The following BTBD6 variants were observed in gnomAD, a reference collection of about 807,000 sequenced individuals.
BTBD6 encodes BTB domain containing 6.
A neutral mutation model predicts 40.6 loss-of-function variants in BTBD6; 30 were observed. That is an observed-to-expected ratio of 0.74 (90% confidence interval 0.55 to 1.00). The LOEUF (loss-of-function observed/expected upper bound fraction) is 1.00. Ranked by LOEUF, BTBD6 falls within the 50% of genes least tolerant of loss-of-function variation. The probability of loss-of-function intolerance (pLI) is 0.00; values close to 1 mark genes in which losing one functional copy is unlikely to be tolerated. For missense variants in BTBD6, 698 were observed against 694.6 expected (o/e 1.00, Z -0.06); for synonymous variants, 378 against 308.7 (o/e 1.22, Z -2.35).
At position 105,249,429 on chromosome 14, in the gene BTBD6, G is replaced by C; in HGVS notation, c.535G>C (p.Glu179Gln). ...FYGDLAEVKS[E>Q]IHIPDVEPAA... ...CGGAGACCTGGCGGAAGTCAAATCT[G>C]AAATTCACATTCCAGACGTGGAGCC... The change falls in exon 3 of 4, where the codon GAA becomes CAA. Residue 179 changes from glutamate to glutamine, a missense_variant. Coordinates refer to ENST00000392554, the MANE Select transcript of BTBD6 (RefSeq NM_001387567.1). The C allele has an allele frequency of 7.5e-6, 12 of 1,607,086 alleles. No homozygotes were observed. Among genetic ancestry groups the C allele is most frequent in the Non-Finnish European group, 1.0e-5 (12 of 1,176,044 alleles).
rs2055437419 is a variant in BTBD6 at position 105,249,429 on chromosome 14, G to A, written c.535G>A (p.Glu179Lys). 6.2e-7 allele frequency: 1 copy of A among 1,607,086 alleles called. No homozygotes were observed. The highest frequency in any genetic ancestry group is 2.2e-5 in the East Asian group (1 of 44,530). The part of the protein sequence containing the change: ...FYGDLAEVKS[E>K]IHIPDVEPAA... ...CGGAGACCTGGCGGAAGTCAAATCT[G>A]AAATTCACATTCCAGACGTGGAGCC... The change falls in exon 3 of 4, where the codon GAA becomes AAA. Residue 179 changes from glutamate to lysine, a missense_variant. By Grantham distance (56) the Glu-to-Lys change is moderately conservative. Coordinates refer to ENST00000392554, the MANE Select transcript of BTBD6 (RefSeq NM_001387567.1).
chr14:105,250,135 GACCC>G lies in BTBD6; in HGVS notation c.1083_1086del (p.His362AlafsTer18). On this transcript the variant is annotated frameshift_variant, in exon 4 of 4. Transcript: ENST00000392554. LOFTEE classifies it high-confidence loss of function. The stretch of plus-strand genomic sequence containing the variant: ...AGTCAGACATCCTGACTCTGGAGGA[GACCC>G]ACAGCATCTTCCTGTGGTACACGGC... The G allele has an allele frequency of 6.2e-7, 1 of 1,613,002 alleles. No homozygotes were observed. The highest frequency in any genetic ancestry group is 8.5e-7 in the Non-Finnish European group (1 of 1,180,044).
In BTBD6 at chr14:105,250,372, C is replaced by T. The variant is rs754866060; in HGVS notation, c.1317C>T (p.Ser439=). 1.5e-5 allele frequency: 24 copies of T among 1,613,556 alleles called. No homozygotes were observed. Among genetic ancestry groups the T allele is most frequent in the Admixed American group, 8.3e-5 (5 of 59,994 alleles). ...YGSSSGKAEY[S]VKIELKRLGV... ...CCAGCTCTGGGAAGGCTGAGTACAG[C>T]GTGAAGATTGAGCTCAAGCGGCTCG... Residue 439 remains serine (S), a synonymous_variant, in exon 4 of 4, where the codon AGC becomes AGT. Coordinates refer to ENST00000392554, the MANE Select transcript of BTBD6 (RefSeq NM_001387567.1).
chr14:105,251,093 A>G lies in BTBD6; in HGVS notation c.*421A>G. The G allele has an allele frequency of 4.9e-6, 1 of 202,916 alleles. No individual in the cohort carries two copies. Among genetic ancestry groups the G allele is most frequent in the South Asian group, 1.1e-4 (1 of 8,878 alleles). The allele number at this position is 202,916 out of a possible 1,614,324, so 12.6% of individuals were successfully genotyped here. A position where few individuals can be genotyped will look rare whatever the true frequency, so the allele number is the denominator to read the frequency against. ...TGTAATAAAGGTTGCCTAAAATAACACCCACGTGTCAGTAAATGACTACAG... is the reference window on the plus strand; with the variant it reads ...TGTAATAAAGGTTGCCTAAAATAACGCCCACGTGTCAGTAAATGACTACAG... On this transcript the variant is annotated 3_prime_UTR_variant, in exon 4 of 4. Coordinates refer to ENST00000392554, the MANE Select transcript of BTBD6 (RefSeq NM_001387567.1).
In BTBD6 at chr14:105,249,872, C is replaced by A. The variant is rs375940510; in HGVS notation, c.817C>A (p.Arg273=). 2.4e-5 allele frequency: 38 copies of A among 1,612,030 alleles called. No homozygotes were observed. Among genetic ancestry groups the A allele is most frequent in the Non-Finnish European group, 3.1e-5 (36 of 1,180,010 alleles). ...VIDAQAEMAL[R]SEGFCEIDRQ... is the part of the protein sequence containing the mutation. Reference sequence around the variant, plus strand: ...TGACGCACAGGCCGAGATGGCCCTACGGTCCGAAGGCTTCTGTGAGATAGA... The same window carrying A: ...TGACGCACAGGCCGAGATGGCCCTAAGGTCCGAAGGCTTCTGTGAGATAGA... The change falls in exon 4 of 4, where the codon CGG becomes AGG. Residue 273 remains arginine (R), a synonymous_variant. Coordinates refer to ENST00000392554, the MANE Select transcript of BTBD6 (RefSeq NM_001387567.1).
rs2055436469 is a variant in BTBD6, at chr14:105,249,416, G to A, written c.522G>A (p.Ala174=). ...VFYAMFYGDL[A]EVKSEIHIPD... ...ATGCCATGTTCTACGGAGACCTGGC[G>A]GAAGTCAAATCTGAAATTCACATTC... Residue 174 remains alanine, a synonymous_variant, in exon 3 of 4, where the codon GCG becomes GCA. Transcript: ENST00000392554. The A allele has an allele frequency of 3.7e-6, 6 of 1,613,582 alleles. No homozygotes were observed. The highest frequency in any genetic ancestry group is 4.2e-6 in the Non-Finnish European group (5 of 1,180,004).
rs1270331726 is a variant in BTBD6, at chr14:105,248,961, C to A, written c.250C>A (p.Pro84Thr). 5.1e-6 allele frequency: 5 copies of A among 980,370 alleles called. No individual in the cohort carries two copies. Among genetic ancestry groups the A allele is most frequent in the Non-Finnish European group, 6.0e-6 (5 of 827,684 alleles). 60.7% of individuals were successfully genotyped at this position (980,370 alleles called of 1,614,324 possible). The change falls in exon 1 of 4, where the codon CCG becomes ACG. Residue 84 changes from proline to threonine, a missense_variant. Coordinates refer to ENST00000392554, the MANE Select transcript of BTBD6 (RefSeq NM_001387567.1). ...AGAAVGRKAG[P>T]RSPPSAPAPA... ...CGCCGCCGTGGGCAGGAAGGCCGGG[C>A]CGCGCAGCCCGCCCAGCGCCCCCGC...
Position 105,248,898 on chromosome 14 carries a change from A to G in BTBD6, c.187A>G (p.Ser63Gly), listed in dbSNP as rs953623186. The G allele has an allele frequency of 6.1e-4, 596 of 984,800 alleles. 10 individuals carry two copies. In the African/African-American group the frequency reaches 0.01, roughly 17 times the overall value. The allele number at this position is 984,800 out of a possible 1,614,324, so 61.0% of individuals were successfully genotyped here. A position where few individuals can be genotyped will look rare whatever the true frequency, so the allele number is the denominator to read the frequency against. ...KMAAELYAPASAAAADLANSN... is the reference protein window; with the variant it reads ...KMAAELYAPAGAAAADLANSN... ...GGCGGCGGAACTCTACGCTCCCGCC[A>G]GCGCCGCGGCCGCGGACCTAGCCAA... is the stretch of plus-strand genomic sequence containing the variant. The change falls in exon 1 of 4, where the codon AGC (serine) becomes GGC (glycine). Residue 63 changes from serine to glycine, a missense_variant. Transcript: ENST00000392554.
In BTBD6 at chr14:105,250,858, C is replaced by G. The variant is rs990503340; in HGVS notation, c.*186C>G. 4.5e-6 allele frequency: 3 copies of G among 666,576 alleles called. No homozygotes were observed. In the African/African-American group the frequency reaches 5.5e-5, roughly 12 times the overall value. 41.3% of individuals were successfully genotyped at this position (666,576 alleles called of 1,614,324 possible). A position where few individuals can be genotyped will look rare whatever the true frequency, so the allele number is the denominator to read the frequency against. On this transcript the variant is annotated 3_prime_UTR_variant, in exon 4 of 4. Transcript: ENST00000392554. The stretch of plus-strand genomic sequence containing the variant: ...ACCCAGGGATTGGAGTCTTAGGCAT[C>G]TCTGGTACAGTGGGGTGCACGTCTC...
Position 105,249,006 on chromosome 14 carries a change from G to GCGCCCGCGCCGCCCA in BTBD6, c.297_311dup (p.Pro100_Thr104dup), listed in dbSNP as rs1384071061. The GCGCCCGCGCCGCCCA allele has an allele frequency of 9.5e-7, 1 of 1,056,594 alleles. No individual in the cohort carries two copies. The highest frequency in any genetic ancestry group is 1.1e-6 in the Non-Finnish European group (1 of 877,806). 65.5% of individuals were successfully genotyped at this position (1,056,594 alleles called of 1,614,324 possible). On this transcript the variant is annotated inframe_insertion, in exon 1 of 4. Coordinates refer to ENST00000392554, the MANE Select transcript of BTBD6 (RefSeq NM_001387567.1). ...CCCCGCGCCAGCGCCGCCGCCGCCC[G>GCGCCCGCGCCGCCCA]CGCCCGCGCCGCCCACACTCGGCAA...
Position 105,250,063 on chromosome 14 carries a change from C to G in BTBD6, c.1008C>G (p.Val336=). The G allele has an allele frequency of 6.2e-7, 1 of 1,613,000 alleles. No individual in the cohort carries two copies. ...RHVLGRALYL[V]RIPTMTLEEF... ...TTCTGGGGCGAGCCCTCTATCTGGTCCGAATTCCAACCATGACCCTAGAGG... is the reference window on the plus strand; with the variant it reads ...TTCTGGGGCGAGCCCTCTATCTGGTGCGAATTCCAACCATGACCCTAGAGG... The change falls in exon 4 of 4, where the codon GTC becomes GTG. Residue 336 remains valine (V), a synonymous_variant. Transcript: ENST00000392554.
Position 105,248,951 on chromosome 14 carries a change from G to A in BTBD6, c.240G>A (p.Arg80=), listed in dbSNP as rs2055363091. Residue 80 remains arginine (R), a synonymous_variant, in exon 1 of 4, where the codon AGG becomes AGA. Transcript: ENST00000392554. Reference sequence around the variant, plus strand: ...GCAACGCCGGCGCCGCCGTGGGCAGGAAGGCCGGGCCGCGCAGCCCGCCCA... The same window carrying A: ...GCAACGCCGGCGCCGCCGTGGGCAGAAAGGCCGGGCCGCGCAGCCCGCCCA... The part of the protein sequence containing the change: ...ANSNAGAAVG[R]KAGPRSPPSA... The A allele has an allele frequency of 5.1e-6, 5 of 983,586 alleles. No individual in the cohort carries two copies. In the African/African-American group the frequency reaches 5.3e-5, roughly 10 times the overall value. 60.9% of individuals were successfully genotyped at this position (983,586 alleles called of 1,614,324 possible).
Position 105,249,324 on chromosome 14 carries a change from G to C in BTBD6, c.466-36G>C, listed in dbSNP as rs919112593. ...CGTGTGGCTGACACGCAGCCTGCGG[G>C]AGAGCCAGGCTCACGGCGGCGCTTT... On this transcript the variant is annotated intron_variant, in intron 2 of 3. Coordinates refer to ENST00000392554, the MANE Select transcript of BTBD6 (RefSeq NM_001387567.1). 4 of 1,598,090 alleles carry C rather than the reference G, an allele frequency of 2.5e-6. No homozygotes were observed. In the African/African-American group the frequency reaches 5.4e-5, roughly 21 times the overall value.
Position 105,250,179 on chromosome 14 carries a change from G to C in BTBD6, c.1124G>C (p.Arg375Pro). 6.2e-7 allele frequency: 1 copy of C among 1,612,966 alleles called. No homozygotes were observed. The highest frequency in any genetic ancestry group is 8.5e-7 in the Non-Finnish European group (1 of 1,180,038). ...TGGTACACGGCCACCAACAAGCCCC[G>C]CCTGGACTTTCCCCTGACCAAGAGG... Reference protein sequence around the residue: ...FLWYTATNKPRLDFPLTKRKG... With the variant: ...FLWYTATNKPPLDFPLTKRKG... Residue 375 changes from arginine (R) to proline (P), a missense_variant, in exon 4 of 4, where the codon CGC becomes CCC. By Grantham distance (103) the Arg-to-Pro change is moderately radical (BLOSUM62 -2). Coordinates refer to ENST00000392554, the MANE Select transcript of BTBD6 (RefSeq NM_001387567.1).
chr14:105,249,624 G>A lies in BTBD6; in HGVS notation c.585-16G>A. 2 of 1,597,602 alleles carry A rather than the reference G, an allele frequency of 1.3e-6. No homozygotes were observed. The highest frequency in any genetic ancestry group is 1.1e-5 in the South Asian group (1 of 89,548). On this transcript the variant is annotated splice_polypyrimidine_tract_variant and intron_variant, in intron 3 of 3. Coordinates refer to ENST00000392554, the MANE Select transcript of BTBD6 (RefSeq NM_001387567.1). ...GCTTGGGAGCCAGCCCCTGACGCGG[G>A]CCCTGCCTCGCCTAGGTACATGTAC...
In BTBD6 at chr14:105,250,187, T is replaced by G; in HGVS notation, c.1132T>G (p.Phe378Val). ...GGCCACCAACAAGCCCCGCCTGGAC[T>G]TTCCCCTGACCAAGAGGAAGGGCCT... ...YTATNKPRLD[F>V]PLTKRKGLAP... Residue 378 changes from phenylalanine (F) to valine (V), a missense_variant, in exon 4 of 4, where the codon TTT becomes GTT. Phe to Val is a conservative substitution (Grantham distance 50, BLOSUM62 -1). Coordinates refer to ENST00000392554, the MANE Select transcript of BTBD6 (RefSeq NM_001387567.1). 7 of 1,612,992 alleles carry G rather than the reference T, an allele frequency of 4.3e-6. No homozygotes were observed. The highest frequency in any genetic ancestry group is 5.9e-6 in the Non-Finnish European group (7 of 1,180,044).
At chr14:105,249,326 G>C (rs1312270240) in intron 2 of BTBD6, 34 bp from the exon 3 acceptor site, 3 of 1,599,342 alleles carry the variant, frequency 1.9e-6, no homozygotes, top group Non-Finnish European at 2.6e-6. Flanking sequence ...GCCTGCGGGA[G>C]AGCCAGGCTC....
At chr14:105,249,515 G>A (rs756626813) in intron 3 of BTBD6, 37 bp downstream of exon 3, 36 of 1,608,730 alleles carry the variant, frequency 2.2e-5, no homozygotes, top group Non-Finnish European at 2.9e-5. Context: ...GGGTGGGTCC[G>A]TTTTAGGCGG....
chr14:105,250,622 G>A lies in BTBD6; in HGVS notation c.1567G>A (p.Gly523Arg). 2 of 1,613,852 alleles carry A rather than the reference G, an allele frequency of 1.2e-6. No individual in the cohort carries two copies. The highest frequency in any genetic ancestry group is 1.7e-6 in the Non-Finnish European group (2 of 1,180,010). The change falls in exon 4 of 4, where the codon GGG (glycine) becomes AGG (arginine). Residue 523 changes from glycine (G) to arginine (R), a missense_variant. Gly to Arg is a moderately radical substitution (Grantham distance 125). Transcript: ENST00000392554. The part of the protein sequence containing the change: ...QFQCSSDSTN[G>R]TGVQGGQIPE... Reference sequence around the variant, plus strand: ...CCAGTGCTCCTCGGACAGCACCAACGGGACTGGGGTCCAGGGTGGGCAGAT... The same window carrying A: ...CCAGTGCTCCTCGGACAGCACCAACAGGACTGGGGTCCAGGGTGGGCAGAT...
Sources: gnomAD v4.1 joint callset for allele counts on GRCh38, gnomAD v4.1.1 for gene constraint, MANE v1.5 for transcripts, NCBI Gene and HGNC (gene_info 2026-07-23, HGNC 2026-07-21) for gene names.